The following SEZ6L variants were observed in gnomAD, a reference collection of about 807,000 sequenced individuals.
SEZ6L encodes seizure 6-like protein.
SEZ6L carries 37 observed loss-of-function variants against 106.2 expected under a neutral mutation model. The ratio of observed to expected loss-of-function variants is 0.35; its 90% CI spans 0.27 to 0.46. The LOEUF (loss-of-function observed/expected upper bound fraction) is 0.46, where lower values mean the gene tolerates loss of function less well. SEZ6L is among the 20% of genes least tolerant of loss of function. SEZ6L has a pLI of 1.00. For synonymous variants in SEZ6L, 541 were observed against 570.4 expected, an observed-to-expected ratio of 0.95 and a Z score of 0.73; for missense variants, 1,172 against 1,332.8, an observed-to-expected ratio of 0.88 and a Z score of 1.88.
intron 11 of SEZ6L, 92 bp downstream of exon 11, chr22:26,348,005 T>A: frequency 2.0e-6 from 2 of 1,010,816 alleles, no homozygotes; most frequent in South Asian, 3.8e-5. Context: ...AGCTGTTTAA[T>A]GTAGAATCTG....
intron 7 of SEZ6L, 145 bp from the exon 8 acceptor site, chr22:26,311,623 C>A: frequency 1.3e-6 from 1 of 744,816 alleles, no homozygotes; most frequent in Non-Finnish European, 2.3e-6. Context: ...GTTCTCAACA[C>A]GTCAGCTGGA....
intron 1 of SEZ6L, among the ~76,000 whole-genome samples, chr22:26,224,458 T>TG: frequency 6.6e-6 from 1 of 152,104 alleles, no homozygotes; most frequent in Non-Finnish European, 1.5e-5. Flanking sequence ...CTTAAGCCCA[T>TG]GGCAAGGAGT....
intron 3 of SEZ6L, among the ~76,000 whole-genome samples, chr22:26,295,455 T>C (rs2081274278): frequency 6.6e-6 from 1 of 152,228 alleles, no homozygotes; most frequent in Admixed American, 6.5e-5. Context: ...GTTTTTGTTT[T>C]ACTTGTATAA....
rs1223373399 is a variant in SEZ6L at position 26,340,556 on chromosome 22, C to T, written c.2136C>T (p.Asp712=). The change falls in exon 10 of 17, where the codon GAC becomes GAT. Residue 712 remains aspartate, a synonymous_variant. Coordinates refer to ENST00000248933, the MANE Select transcript of SEZ6L (RefSeq NM_021115.5). ...GPQKLYSSTP[D]LTIQFHSDPA... Reference sequence around the variant, plus strand: ...AGAAACTGTACTCCTCCACGCCAGACTTAACCATCCAGTTCCATTCGGACC... The same window carrying T: ...AGAAACTGTACTCCTCCACGCCAGATTTAACCATCCAGTTCCATTCGGACC... 1.9e-6 allele frequency: 3 copies of T among 1,614,078 alleles called. No homozygotes were observed. The highest frequency in any genetic ancestry group is 2.5e-6 in the Non-Finnish European group (3 of 1,180,036).
rs116878622 is a variant in SEZ6L at position 26,323,870 on chromosome 22, G to A, written c.2015+9968G>A. ...TCTTTACATGCTTTTTTTACCTATA[G>A]TAACTCATTTCACTCTCCAATGCAA... On this transcript the variant is annotated intron_variant, in intron 9 of 16. Transcript: ENST00000248933. Among the ~76,000 whole-genome samples the A allele has an allele frequency of 7.6e-4, 115 of 151,992 alleles. 2 individuals carry two copies. In the East Asian group the frequency reaches 0.017, roughly 22 times the overall value.
rs910082772 is a variant in SEZ6L at position 26,334,352 on chromosome 22, A to T, written c.2016-6084A>T. On this transcript the variant is annotated intron_variant, in intron 9 of 16. Transcript: ENST00000248933. ...TTCTCTGTGGATTTCCCTATTCTGGATATTCCTTATAAATGGAGTGATTCA... is the reference window on the plus strand; with the variant it reads ...TTCTCTGTGGATTTCCCTATTCTGGTTATTCCTTATAAATGGAGTGATTCA... Among the ~76,000 whole-genome samples the T allele has an allele frequency of 9.9e-5, 15 of 152,162 alleles. No homozygotes were observed. The East Asian group carries it at 2.5e-3, about 26-fold the overall frequency.
chr22:26,198,133 A>G (rs1391560697), intron 1 of SEZ6L, among the ~76,000 whole-genome samples: 1 of 152,218 alleles, frequency 6.6e-6, no homozygotes, highest in Non-Finnish European at 1.5e-5. Flanking sequence ...TACAAATCAG[A>G]CACAACTGAG....
chr22:26,294,699 C>T (rs2081239624), intron 3 of SEZ6L, among the ~76,000 whole-genome samples: 1 of 146,744 alleles, frequency 6.8e-6, no homozygotes, highest in South Asian at 2.2e-4. Flanking sequence ...CACACACATA[C>T]ACACACGCAT....
At chr22:26,367,662 C>A (rs2083867599) in intron 13 of SEZ6L, among the ~76,000 whole-genome samples, 1 of 151,992 alleles carries the variant, frequency 6.6e-6, no homozygotes. Flanking sequence ...CTTAGAGAAC[C>A]CTGCTTAATT....
chr22:26,193,328 AT>A (rs1458302252), intron 1 of SEZ6L, among the ~76,000 whole-genome samples: 1 of 152,160 alleles, frequency 6.6e-6, no homozygotes, highest in Non-Finnish European at 1.5e-5. Context: ...CCCTTGGTGA[AT>A]ATCCTAGCCT....
intron 5 of SEZ6L, 106 bp downstream of exon 5, chr22:26,299,275 G>A (rs973228369): frequency 5.7e-6 from 5 of 882,372 alleles, no homozygotes; most frequent in Non-Finnish European, 6.1e-6. Context: ...TTCAGCCCAG[G>A]GGAAGAAACT....
chr22:26,316,826 T>C (rs748467698), intron 9 of SEZ6L, among the ~76,000 whole-genome samples: 6 of 128,390 alleles, frequency 4.7e-5, no homozygotes, highest in Non-Finnish European at 9.5e-5. Context: ...AGTGAGACTC[T>C]GAAAAAAGAA....
intron 5 of SEZ6L, 139 bp downstream of exon 5, chr22:26,299,308 G>T: frequency 1.7e-6 from 1 of 589,966 alleles, no homozygotes; most frequent in South Asian, 5.7e-5. Flanking sequence ...GATGACTATT[G>T]TTATTTATGT....
At chr22:26,249,123 G>A (rs982121451) in intron 1 of SEZ6L, among the ~76,000 whole-genome samples, 1 of 152,130 alleles carries the variant, frequency 6.6e-6, no homozygotes, top group African/African-American at 2.4e-5. Flanking sequence ...ATCAAATCAG[G>A]ATAATCAGCA....
chr22:26,173,357 C>A (rs1182079115), intron 1 of SEZ6L, among the ~76,000 whole-genome samples: 1 of 152,186 alleles, frequency 6.6e-6, no homozygotes, highest in Non-Finnish European at 1.5e-5. Flanking sequence ...GGTTGAAGGG[C>A]ATAGTGAGTA....
Position 26,294,432 on chromosome 22 carries a change from C to G in SEZ6L, c.969+7C>G, listed in dbSNP as rs775518013. On this transcript the variant is annotated splice_region_variant and intron_variant, in intron 3 of 16. Transcript: ENST00000248933. ...CTATGGGGTGGAGCTCCAGGTAACCCCAGGAGAGTACCTCACAGAGGCTGC... is the reference window on the plus strand; with the variant it reads ...CTATGGGGTGGAGCTCCAGGTAACCGCAGGAGAGTACCTCACAGAGGCTGC... 1 of 1,613,362 alleles carries G rather than the reference C, an allele frequency of 6.2e-7. No individual in the cohort carries two copies. The highest frequency in any genetic ancestry group is 1.1e-5 in the South Asian group (1 of 91,004).
At chr22:26,183,772 T>G (rs1281820175) in intron 1 of SEZ6L, among the ~76,000 whole-genome samples, 1 of 152,208 alleles carries the variant, frequency 6.6e-6, no homozygotes, top group Non-Finnish European at 1.5e-5. Context: ...CAGCTGAGCA[T>G]GTGTATAGAT....
intron 14 of SEZ6L, 63 bp downstream of exon 14, chr22:26,373,546 C>T: frequency 2.3e-6 from 3 of 1,288,008 alleles, no homozygotes; most frequent in Non-Finnish European, 3.3e-6. Flanking sequence ...AAAACAAGGG[C>T]AGGTCTTTGA....
intron 1 of SEZ6L, among the ~76,000 whole-genome samples, chr22:26,284,881 C>T: frequency 6.6e-6 from 1 of 151,948 alleles, no homozygotes; most frequent in Admixed American, 6.6e-5. Flanking sequence ...TGATCTTGAA[C>T]AAGTCACTTC....
Sources: allele counts gnomAD v4.1 joint callset (sites outside exome capture counted in the v4.1 genomes callset), GRCh38; gene constraint gnomAD v4.1.1; transcripts MANE v1.5; gene names NCBI Gene and HGNC (gene_info 2026-07-23, HGNC 2026-07-21).